TRMT11: variants seen among roughly 807,000 people sequenced by gnomAD.
The protein encoded by TRMT11 is tRNA methyltransferase 11.
A neutral mutation model predicts 62.8 loss-of-function variants in TRMT11; 53 were observed. That is an observed-to-expected ratio of 0.84 (90% CI 0.68 to 1.06). The LOEUF (loss-of-function observed/expected upper bound fraction) is 1.06. Ranked by LOEUF, TRMT11 falls within the 50% of genes least tolerant of loss-of-function variation. TRMT11 has a pLI of 0.00. For missense variants in TRMT11, 556 were observed against 553.4 expected (o/e 1.00, Z -0.05); for synonymous variants, 188 against 190.3 (o/e 0.99, Z 0.10).
downstream of TRMT11, among the ~76,000 whole-genome samples, chr6:126,041,807 T>C (rs1435616531): frequency 2.0e-5 from 3 of 152,124 alleles, no homozygotes; most frequent in African/African-American, 2.4e-5. Flanking sequence ...AGAGAATAAA[T>C]TATTCCAAAA....
intron 12 of TRMT11, among the ~76,000 whole-genome samples, chr6:126,027,557 G>T (rs1281376646): frequency 6.6e-6 from 1 of 152,178 alleles, no homozygotes; most frequent in Non-Finnish European, 1.5e-5. Flanking sequence ...GGTTTGAGAA[G>T]TTTTGAAGTA....
chr6:126,084,586 A>G (rs1777194401), intron 17 of TRMT11, among the ~76,000 whole-genome samples: 1 of 152,008 alleles, frequency 6.6e-6, no homozygotes, highest in South Asian at 2.1e-4. Context: ...TCATTTATGT[A>G]TTTTGCTTTG....
intron 21 of TRMT11, among the ~76,000 whole-genome samples, chr6:126,120,904 C>T (rs1242487942): frequency 6.6e-6 from 1 of 152,084 alleles, no homozygotes; most frequent in Non-Finnish European, 1.5e-5. Context: ...TGGTTTGCTT[C>T]CCATGTTTCA....
chr6:126,101,100 C>T (rs1352819464), intron 17 of TRMT11, among the ~76,000 whole-genome samples: 1 of 152,072 alleles, frequency 6.6e-6, no homozygotes, highest in Admixed American at 6.6e-5. Context: ...AAGCACACTG[C>T]TCACTTCCTG....
the TRMT11 span, among the ~76,000 whole-genome samples, chr6:126,255,670 T>C: frequency 6.6e-6 from 1 of 152,214 alleles, no homozygotes; most frequent in Non-Finnish European, 1.5e-5. Context: ...CCTTTCCTGA[T>C]GCAATGACCC....
intron 21 of TRMT11, among the ~76,000 whole-genome samples, chr6:126,119,783 G>A (rs903983321): frequency 1.3e-5 from 2 of 152,024 alleles, no homozygotes; most frequent in Admixed American, 1.3e-4. Context: ...TTATCAAAGG[G>A]ATAAAGAACT....
chr6:126,008,257 CTAAATATGT>C (rs2128806337), intron 7 of TRMT11, 126 bp from the exon 8 acceptor site: 1 of 779,984 alleles, frequency 1.3e-6, no homozygotes, highest in East Asian at 2.5e-5. Context: ...CTGAGGCTTA[CTAAATATGT>C]TACGACCAAT....
At chr6:126,240,000 C>G in the TRMT11 span, among the ~76,000 whole-genome samples, 1 of 152,154 alleles carries the variant, frequency 6.6e-6, no homozygotes, top group Admixed American at 6.5e-5. Flanking sequence ...CTGATCAAAT[C>G]AGCTACTGAG....
the TRMT11 span, among the ~76,000 whole-genome samples, chr6:126,215,519 T>C: frequency 1.3e-5 from 2 of 152,086 alleles, no homozygotes; most frequent in East Asian, 3.8e-4. Flanking sequence ...ATAATCTTTT[T>C]TGTTTTCTAT....
At chr6:126,124,847 G>A (rs983091940) in intron 21 of TRMT11, among the ~76,000 whole-genome samples, 5 of 152,082 alleles carry the variant, frequency 3.3e-5, no homozygotes, top group African/African-American at 1.2e-4. Context: ...CTGGAGTTAT[G>A]TGATTGTTTG....
At chr6:126,241,272 G>A in the TRMT11 span, among the ~76,000 whole-genome samples, 56 of 152,146 alleles carry the variant, frequency 3.7e-4, no homozygotes, top group Non-Finnish European at 6.9e-4. Flanking sequence ...GAAATCATCC[G>A]TCTTCTGTGT....
At chr6:126,107,566 A>G (rs1272174159) in intron 17 of TRMT11, among the ~76,000 whole-genome samples, 11 of 152,182 alleles carry the variant, frequency 7.2e-5, no homozygotes, top group African/African-American at 2.4e-4. Flanking sequence ...TCAGTCCTAA[A>G]TCATGCACAG....
At chr6:126,165,803 T>C (rs935884128) in intron 21 of TRMT11, among the ~76,000 whole-genome samples, 5 of 152,208 alleles carry the variant, frequency 3.3e-5, no homozygotes, top group African/African-American at 1.2e-4. Flanking sequence ...GTATTCTCTG[T>C]ATTTCCTGAA....
intron 8 of TRMT11, among the ~76,000 whole-genome samples, chr6:126,009,626 C>T (rs1562258361): frequency 6.6e-6 from 1 of 151,828 alleles, no homozygotes; most frequent in African/African-American, 2.4e-5. Flanking sequence ...GTACTGGTGA[C>T]CTGTCTTTTT....
Position 126,009,447 on chromosome 6 carries a change from T to C in TRMT11, c.760+975T>C, listed in dbSNP as rs537910279. 3 of 152,164 alleles carry C rather than the reference T, an allele frequency of 2.0e-5. No individual in the cohort carries two copies. The South Asian group carries it at 6.2e-4, about 32-fold the overall frequency. 9.4% of individuals were successfully genotyped at this position (152,164 alleles called of 1,614,324 possible). On this transcript the variant is annotated intron_variant, in intron 8 of 12. Coordinates refer to ENST00000334379, the MANE Select transcript of TRMT11 (RefSeq NM_001031712.3). ...TTATAGCTTAATGGTATTGAAAATG[T>C]CATTTTATTGATGATTTTGAGATTA... is the stretch of plus-strand genomic sequence containing the variant.
chr6:126,163,043 C>G (rs1377634787), intron 21 of TRMT11, among the ~76,000 whole-genome samples: 2 of 151,996 alleles, frequency 1.3e-5, no homozygotes, highest in African/African-American at 2.4e-5. Flanking sequence ...ATTTGAATAC[C>G]CTTTATTTTG....
chr6:126,149,118 A>C (rs1452205874), intron 21 of TRMT11, among the ~76,000 whole-genome samples: 1 of 152,212 alleles, frequency 6.6e-6, no homozygotes, highest in Non-Finnish European at 1.5e-5. Context: ...TCTGCAAGAC[A>C]GCATTTTGGT....
intron 17 of TRMT11, among the ~76,000 whole-genome samples, chr6:126,074,463 A>G (rs1368858529): frequency 1.3e-5 from 2 of 152,168 alleles, no homozygotes; most frequent in Non-Finnish European, 2.9e-5. Flanking sequence ...GGAAATATCT[A>G]AGCTCAAATA....
At chr6:126,109,098 A>T (rs1028902069) in intron 17 of TRMT11, among the ~76,000 whole-genome samples, 1 of 152,176 alleles carries the variant, frequency 6.6e-6, no homozygotes, top group Non-Finnish European at 1.5e-5. Flanking sequence ...AATAAGTTGC[A>T]TGCTCAAATA....
Sources: allele counts gnomAD v4.1 joint callset (sites outside exome capture counted in the v4.1 genomes callset), GRCh38; gene constraint gnomAD v4.1.1; transcripts MANE v1.5; gene names NCBI Gene and HGNC (gene_info 2026-07-23, HGNC 2026-07-21).